The following SERPINB11 variants were observed in gnomAD, a reference collection of about 807,000 sequenced individuals.
SERPINB11 encodes serpin family B member 11, also known as serpin B11.
SERPINB11 carries 32 observed loss-of-function variants against 36.7 expected under a neutral mutation model. The ratio of observed to expected loss-of-function variants is 0.87; its 90% CI spans 0.66 to 1.17. The LOEUF (loss-of-function observed/expected upper bound fraction) is 1.17, where lower values mean the gene tolerates loss of function less well. SERPINB11 is among the 50% of genes most tolerant of loss of function. The pLI is 0.00. For missense variants in SERPINB11, 528 were observed against 458.4 expected (o/e 1.15, Z -1.39); for synonymous variants, 174 against 168.1 (o/e 1.04, Z -0.27).
At chr18:63,711,132 G>T (rs955495544) in intron 2 of SERPINB11, among the ~76,000 whole-genome samples, 2 of 152,146 alleles carry the variant, frequency 1.3e-5, no homozygotes, top group African/African-American at 4.8e-5. Context: ...TAAAATGAGG[G>T]TAATAGTATC....
chr18:63,713,997 C>A (rs1385308246), intron 4 of SERPINB11, among the ~76,000 whole-genome samples: 3 of 152,166 alleles, frequency 2.0e-5, no homozygotes, highest in African/African-American at 7.2e-5. Flanking sequence ...CAGCTCAGGA[C>A]AAGATTCATT....
chr18:63,714,591 C>G (rs748451213), intron 4 of SERPINB11, among the ~76,000 whole-genome samples: 24 of 151,916 alleles, frequency 1.6e-4, no homozygotes, highest in Non-Finnish European at 3.4e-4. Context: ...CAGGGCTGTT[C>G]CTTGCTGAGA....
rs761870235 is a variant in SERPINB11 at position 63,723,136 on chromosome 18, G to T, written c.916G>T (p.Val306Leu). ...ELNSLLKSLG[V>L]TDLFNQVKAD... is the part of the protein sequence containing the mutation. ...AAATTCCCTGTTAAAATCTCTAGGG[G>T]TGACAGATCTCTTCAACCAGGTCAA... Residue 306 changes from valine to leucine, a missense_variant, in exon 8 of 8, where the codon GTG (valine) becomes TTG (leucine). Physicochemically the swap from Val to Leu is conservative, Grantham distance 32. Coordinates refer to ENST00000544088, the MANE Select transcript of SERPINB11 (RefSeq NM_001370475.1). 1.2e-6 allele frequency: 2 copies of T among 1,610,492 alleles called. No homozygotes were observed. The highest frequency in any genetic ancestry group is 8.5e-7 in the Non-Finnish European group (1 of 1,178,012).
intron 7 of SERPINB11, 108 bp downstream of exon 7, chr18:63,721,094 C>A: frequency 9.4e-7 from 1 of 1,062,104 alleles, no homozygotes; most frequent in Non-Finnish European, 1.3e-6. Context: ...CATTGATTCA[C>A]AATCTAAGCC....
At chr18:63,717,119 T>C (rs2144545398) in intron 5 of SERPINB11, among the ~76,000 whole-genome samples, 1 of 152,220 alleles carries the variant, frequency 6.6e-6, no homozygotes, top group East Asian at 1.9e-4. Context: ...TGCCTGTTTT[T>C]AAATCTCATG....
At chr18:63,706,867 G>T (rs1488068296) in intron 1 of SERPINB11, among the ~76,000 whole-genome samples, 4 of 152,126 alleles carry the variant, frequency 2.6e-5, no homozygotes, top group African/African-American at 9.7e-5. Flanking sequence ...TGAAATCCTG[G>T]GTTATCCTCT....
intron 4 of SERPINB11, among the ~76,000 whole-genome samples, chr18:63,714,179 G>T (rs535223738): frequency 3.4e-4 from 51 of 152,188 alleles, no homozygotes; most frequent in Middle Eastern, 6.8e-3. Context: ...ATGTCGGCAG[G>T]TTCCATGAAG....
chr18:63,719,255 G>A (rs146632893), intron 5 of SERPINB11, among the ~76,000 whole-genome samples: 127 of 152,030 alleles, frequency 8.4e-4, no homozygotes, highest in African/African-American at 2.9e-3. Flanking sequence ...TTTATTTACT[G>A]TTTCATCCAA....
chr18:63,711,211 AT>A, intron 2 of SERPINB11, 123 bp from the exon 3 acceptor site: 2 of 718,640 alleles, frequency 2.8e-6, no homozygotes, highest in Non-Finnish European at 4.8e-6. Context: ...GGAACACATT[AT>A]TAAATGTTAG....
chr18:63,720,610 A>G, intron 6 of SERPINB11: 1 of 464,112 alleles, frequency 2.2e-6, no homozygotes, highest in Admixed American at 3.9e-5. Flanking sequence ...AGCTATCTCT[A>G]TATATTATTA....
chr18:63,710,347 G>T lies in SERPINB11; in HGVS notation c.154G>T (p.Glu52Ter). The change falls in exon 2 of 8, where the codon GAG becomes TAG. Residue 52 changes from glutamate to a stop codon, truncating the protein, a stop_gained. Coordinates refer to ENST00000544088, the MANE Select transcript of SERPINB11 (RefSeq NM_001370475.1). LOFTEE classifies it high-confidence loss of function. ...VLLGARGETEEQLEKVLHFSH... is the reference protein window; with the variant it reads ...VLLGARGETE ...CCTTGGTGCCAGGGGAGAGACTGAA[G>T]AGCAATTGGAGAAGGTATGGAATTC... 1 of 1,611,346 alleles carries T rather than the reference G, an allele frequency of 6.2e-7. No homozygotes were observed. The highest frequency in any genetic ancestry group is 1.1e-5 in the South Asian group (1 of 90,472).
At position 63,723,127 on chromosome 18, in the gene SERPINB11, T is replaced by C. The variant is rs1395267; in HGVS notation, c.907T>C (p.Ser303Pro). The change falls in exon 8 of 8, where the codon TCT (serine) becomes CCT (proline). Residue 303 changes from serine (S) to proline (P), a missense_variant. Ser to Pro is a moderately conservative substitution (Grantham distance 74). Coordinates refer to ENST00000544088, the MANE Select transcript of SERPINB11 (RefSeq NM_001370475.1). Reference protein sequence around the residue: ...TKYELNSLLKSLGVTDLFNQV... With the variant: ...TKYELNSLLKPLGVTDLFNQV... Reference sequence around the variant, plus strand: ...GTATGAGCTAAATTCCCTGTTAAAATCTCTAGGGGTGACAGATCTCTTCAA... The same window carrying C: ...GTATGAGCTAAATTCCCTGTTAAAACCTCTAGGGGTGACAGATCTCTTCAA... 0.73 allele frequency: 1,174,268 copies of C among 1,605,716 alleles called. 430,452 individuals are homozygous for C. The highest frequency in any genetic ancestry group is 0.89 in the East Asian group (39,530 of 44,640).
Position 63,710,413 on chromosome 18 carries a change from C to T in SERPINB11, c.168+52C>T, listed in dbSNP as rs578192650. ...AGAACCCAGAAGTCTTTCATGCTCC[C>T]GCTCTGGGTCAGCAAAATTAATTCT... On this transcript the variant is annotated intron_variant, in intron 2 of 7. Transcript: ENST00000544088. 8.8e-5 allele frequency: 127 copies of T among 1,448,776 alleles called. 1 individual carries two copies. The highest frequency in any genetic ancestry group is 4.0e-4 in the South Asian group (28 of 69,478). The allele number at this position is 1,448,776 out of a possible 1,614,324, so 89.7% of individuals were successfully genotyped here. A position where few individuals can be genotyped will look rare whatever the true frequency, so the allele number is the denominator to read the frequency against.
chr18:63,711,243 C>A, intron 2 of SERPINB11, 92 bp from the exon 3 acceptor site: 1 of 892,418 alleles, frequency 1.1e-6, no homozygotes, highest in Non-Finnish European at 1.8e-6. Context: ...TGATCTTGAT[C>A]TAAAATAGAA....
intron 3 of SERPINB11, 49 bp downstream of exon 3, chr18:63,711,443 G>T (rs1914524429): frequency 5.9e-6 from 8 of 1,366,474 alleles, no homozygotes; most frequent in Non-Finnish European, 8.3e-6. Flanking sequence ...CTAAGAGAAG[G>T]ATGAAATAAT....
At chr18:63,703,222 G>T (rs1394115455) in intron 1 of SERPINB11, among the ~76,000 whole-genome samples, 1 of 152,118 alleles carries the variant, frequency 6.6e-6, no homozygotes, top group East Asian at 1.9e-4. Flanking sequence ...AATCTTTGAG[G>T]CAGGCTGACT....
chr18:63,708,613 G>C (rs991509089), intron 1 of SERPINB11, among the ~76,000 whole-genome samples: 1 of 152,214 alleles, frequency 6.6e-6, no homozygotes, highest in Non-Finnish European at 1.5e-5. Flanking sequence ...AGGCTGGAGA[G>C]AGGGGTTAGA....
In SERPINB11 at chr18:63,723,133, G is replaced by C; in HGVS notation, c.913G>C (p.Gly305Arg). 6.2e-7 allele frequency: 1 copy of C among 1,610,050 alleles called. No homozygotes were observed. The highest frequency in any genetic ancestry group is 8.5e-7 in the Non-Finnish European group (1 of 1,177,858). ...GCTAAATTCCCTGTTAAAATCTCTA[G>C]GGGTGACAGATCTCTTCAACCAGGT... is the stretch of plus-strand genomic sequence containing the variant. ...YELNSLLKSLGVTDLFNQVKA... is the reference protein window; with the variant it reads ...YELNSLLKSLRVTDLFNQVKA... The change falls in exon 8 of 8, where the codon GGG becomes CGG. Residue 305 changes from glycine (G) to arginine (R), a missense_variant. By Grantham distance (125) the Gly-to-Arg change is moderately radical. Transcript: ENST00000544088.
chr18:63,706,072 G>A (rs553225430), intron 1 of SERPINB11, among the ~76,000 whole-genome samples: 32 of 152,290 alleles, frequency 2.1e-4, no homozygotes, highest in South Asian at 2.1e-3. Flanking sequence ...AAACTGTCAA[G>A]AGCAAAGAAA....
Sources: gnomAD v4.1 joint callset for allele counts (sites outside exome capture counted in the v4.1 genomes callset) on GRCh38, gnomAD v4.1.1 for gene constraint, MANE v1.5 for transcripts, NCBI Gene and HGNC (gene_info 2026-07-23, HGNC 2026-07-21) for gene names.